The following PDE10A variants were observed in gnomAD, a reference collection of about 807,000 sequenced individuals.
PDE10A encodes the protein phosphodiesterase 10A.
Under a neutral mutation model 97.7 loss-of-function variants are expected in PDE10A, and 39 were observed. The ratio of observed to expected loss-of-function variants is 0.40; its 90% CI spans 0.31 to 0.52. The LOEUF (loss-of-function observed/expected upper bound fraction) is 0.52, where lower values mean the gene tolerates loss of function less well. Among genes scored for constraint, PDE10A ranks in the 20% least tolerant of loss-of-function variants. The pLI is 0.56. For missense variants in PDE10A, 731 were observed against 1,047.8 expected, an observed-to-expected ratio of 0.70 and a Z score of 4.17; for synonymous variants, 371 against 376.8, an observed-to-expected ratio of 0.98 and a Z score of 0.18.
At chr6:165,775,406 CAACCCGCTT>C (rs2128460686) in intron 1 of PDE10A, 1 of 152,348 alleles carries the variant, frequency 6.6e-6, no homozygotes, top group African/African-American at 2.4e-5. Context: ...ACTTCCTTAG[CAACCCGCTT>C]AACACCGTGA....
At chr6:165,502,437 C>T (rs901620239) in intron 2 of PDE10A, among the ~76,000 whole-genome samples, 1 of 152,060 alleles carries the variant, frequency 6.6e-6, no homozygotes, top group Non-Finnish European at 1.5e-5. Context: ...CTCAAATATA[C>T]AAAACAGCAA....
chr6:165,619,691 A>G (rs1363457359), intron 1 of PDE10A, among the ~76,000 whole-genome samples: 1 of 151,608 alleles, frequency 6.6e-6, no homozygotes, highest in East Asian at 1.9e-4. Flanking sequence ...AGTGTAGTGT[A>G]GTGTAGTCCA....
chr6:165,366,077 T>TA (rs761498695), intron 18 of PDE10A, among the ~76,000 whole-genome samples: 13 of 152,008 alleles, frequency 8.6e-5, no homozygotes, highest in Non-Finnish European at 1.6e-4. Context: ...ACTAAGAAAT[T>TA]AGAGAAAAAC....
chr6:165,901,800 CAA>C (rs534835127), intron 1 of PDE10A, among the ~76,000 whole-genome samples: 1 of 142,236 alleles, frequency 7.0e-6, no homozygotes. Flanking sequence ...AACTCCATCT[CAA>C]AAAAAAAAAG....
intron 10 of PDE10A, among the ~76,000 whole-genome samples, chr6:165,419,585 G>A (rs1392268803): frequency 6.6e-6 from 1 of 152,096 alleles, no homozygotes; most frequent in Admixed American, 6.5e-5. Flanking sequence ...ATTTCTAAAT[G>A]GAAACCATGT....
rs570699176 is a variant in PDE10A at position 165,440,645 on chromosome 6, TTAAA to T, written c.1195-5272_1195-5269del. On this transcript the variant is annotated intron_variant, in intron 5 of 21. Coordinates refer to ENST00000539869, the MANE Select transcript of PDE10A (RefSeq NM_001385079.1). ...TCATCACTAAAATGAAAAGATTAGA[TTAAA>T]TAATTTGGAAGTGTCTCTTTTAGCT... is the stretch of plus-strand genomic sequence containing the variant. Among the ~76,000 whole-genome samples, 175 of 152,216 alleles carry T rather than the reference TTAAA, an allele frequency of 1.1e-3. 1 individual carries two copies. The highest frequency in any genetic ancestry group is 4.0e-3 in the African/African-American group (168 of 41,524).
chr6:165,584,808 G>C (rs971956726), intron 1 of PDE10A, among the ~76,000 whole-genome samples: 1 of 152,104 alleles, frequency 6.6e-6, no homozygotes, highest in African/African-American at 2.4e-5. Flanking sequence ...GGCCCCTCAG[G>C]AATGAGGGTC....
chr6:165,550,931 A>G (rs1294615433), intron 1 of PDE10A, among the ~76,000 whole-genome samples: 2 of 152,248 alleles, frequency 1.3e-5, no homozygotes, highest in Non-Finnish European at 2.9e-5. Context: ...ACGTTAAAAA[A>G]TCTTATTAGT....
intron 1 of PDE10A, among the ~76,000 whole-genome samples, chr6:165,648,015 T>A (rs1022673280): frequency 1.3e-5 from 2 of 152,236 alleles, no homozygotes; most frequent in Non-Finnish European, 2.9e-5. Flanking sequence ...CATTTGTTTT[T>A]CTTTTTTCTT....
intron 1 of PDE10A, among the ~76,000 whole-genome samples, chr6:165,810,340 C>T (rs1270794010): frequency 1.3e-5 from 2 of 152,056 alleles, no homozygotes; most frequent in Admixed American, 6.5e-5. Context: ...CTGAGTATTC[C>T]GCAAATGTGG....
At chr6:165,593,321 A>T (rs1293159260) in intron 1 of PDE10A, among the ~76,000 whole-genome samples, 1 of 152,146 alleles carries the variant, frequency 6.6e-6, no homozygotes, top group Non-Finnish European at 1.5e-5. Flanking sequence ...TAAGGGAGAT[A>T]GCATTAGGAG....
intron 3 of PDE10A, among the ~76,000 whole-genome samples, chr6:165,467,217 G>A (rs1324832894): frequency 2.6e-5 from 4 of 152,196 alleles, no homozygotes; most frequent in Non-Finnish European, 5.9e-5. Flanking sequence ...ACAGAGAAGT[G>A]CAATGTGAAG....
Position 165,925,933 on chromosome 6 carries a change from A to G in PDE10A, c.-615+61596T>C, listed in dbSNP as rs573881608. ...TTTTATCAATGCCAATATGTTGATT[A>G]CCATAGCAGACTGTAGTTACACAGG... On this transcript the variant is annotated intron_variant, in intron 1 of 19. Coordinates refer to the PDE10A transcript ENST00000366882. 3.9e-5 allele frequency among the ~76,000 whole-genome samples: 6 copies of G among 152,364 alleles called. No individual in the cohort carries two copies. The South Asian group carries it at 1.0e-3, about 26-fold the overall frequency.
At chr6:165,754,689 C>G (rs1157719981) in intron 1 of PDE10A, among the ~76,000 whole-genome samples, 1 of 152,146 alleles carries the variant, frequency 6.6e-6, no homozygotes, top group Non-Finnish European at 1.5e-5. Context: ...CTCTACTCCA[C>G]TTACCGTGTG....
intron 1 of PDE10A, among the ~76,000 whole-genome samples, chr6:165,864,282 A>G (rs1780982588): frequency 6.6e-6 from 1 of 152,244 alleles, no homozygotes; most frequent in Non-Finnish European, 1.5e-5. Context: ...AAGAAAAATT[A>G]CATGCTATAA....
chr6:165,526,779 C>G (rs533229392), intron 2 of PDE10A, among the ~76,000 whole-genome samples: 5 of 152,326 alleles, frequency 3.3e-5, no homozygotes, highest in South Asian at 4.1e-4. Flanking sequence ...TTAGCAAATG[C>G]CTTTTTCTCC....
At chr6:165,741,283 G>A (rs3008007) in intron 1 of PDE10A, among the ~76,000 whole-genome samples, 1,842 of 152,094 alleles carry the variant, frequency 0.012, 33 homozygotes, top group African/African-American at 0.043. Context: ...ATAATTGACA[G>A]AAAATAAAGA....
chr6:165,693,528 C>A (rs1293739071), intron 1 of PDE10A, among the ~76,000 whole-genome samples: 56 of 56,772 alleles, frequency 9.9e-4, no homozygotes, highest in Non-Finnish European at 1.2e-3. Context: ...GAGGCTCCAC[C>A]AAAAAAAAAA....
At chr6:165,859,471 A>AT (rs1368324724) in intron 1 of PDE10A, among the ~76,000 whole-genome samples, 3 of 152,054 alleles carry the variant, frequency 2.0e-5, no homozygotes, top group Admixed American at 2.0e-4. Flanking sequence ...TTATTTATTT[A>AT]TTTTTTACAT....
Sources: allele counts gnomAD v4.1 joint callset (sites outside exome capture counted in the v4.1 genomes callset), GRCh38; gene constraint gnomAD v4.1.1; transcripts MANE v1.5; gene names NCBI Gene and HGNC (gene_info 2026-07-23, HGNC 2026-07-21).